NDUFS7: variants seen among roughly 807,000 people sequenced by gnomAD.
The protein encoded by NDUFS7 is NADH dehydrogenase [ubiquinone] iron-sulfur protein 7, mitochondrial.
Under a neutral mutation model 31.1 loss-of-function variants are expected in NDUFS7, and 11 were observed. That is an observed-to-expected ratio of 0.35 (90% CI 0.22 to 0.59). NDUFS7 has a LOEUF of 0.59. Among genes scored for constraint, NDUFS7 ranks in the 20% least tolerant of loss-of-function variants. NDUFS7 has a pLI of 0.79. For missense variants in NDUFS7, 263 were observed against 324.2 expected, an observed-to-expected ratio of 0.81 and a Z score of 1.45; for synonymous variants, 136 against 127.9, an observed-to-expected ratio of 1.06 and a Z score of -0.43.
chr19:1,387,720 T>TGCG, intron 1 of NDUFS7, 91 bp from the exon 2 acceptor site: 1 of 1,183,998 alleles, frequency 8.4e-7, no homozygotes, highest in Non-Finnish European at 1.2e-6. Flanking sequence ...AGCTAGGCTG[T>TGCG]GCGGGCAGGA....
chr19:1,389,096 CAG>C (rs2082531580), intron 4 of NDUFS7, 158 bp downstream of exon 4: 2 of 734,336 alleles, frequency 2.7e-6, no homozygotes, highest in East Asian at 2.7e-5. Context: ...CATGTATGGA[CAG>C]ATGTGTACAC....
chr19:1,393,752 G>A lies in NDUFS7; in HGVS notation c.544+422G>A, dbSNP rs1333243183. On this transcript the variant is annotated intron_variant, in intron 7 of 7. Coordinates refer to ENST00000233627, the MANE Select transcript of NDUFS7 (RefSeq NM_024407.5). This position sits in a 1 kb window ranked among gnomAD's most constrained non-coding sequence, Gnocchi z 7.3. ...GTGGCCGGATTTGGCAAATGAAAAC[G>A]TGGGAGGCTTAGTTTGACTGTGAGG... 3.2e-5 allele frequency: 16 copies of A among 495,496 alleles called. 1 individual carries two copies. In the East Asian group the frequency reaches 4.6e-4, roughly 14 times the overall value. 30.7% of individuals were successfully genotyped at this position (495,496 alleles called of 1,614,324 possible).
At chr19:1,394,624 GGACC>G (rs1177201980) in intron 7 of NDUFS7, 2 of 1,199,630 alleles carry the variant, frequency 1.7e-6, no homozygotes, top group Non-Finnish European at 2.1e-6. Context: ...CCCTCCCAGC[GGACC>G]GCGCTCCTCC....
chr19:1,395,480 C>T lies in NDUFS7; in HGVS notation c.634C>T (p.Arg212Cys), dbSNP rs866056831. 1.9e-5 allele frequency: 30 copies of T among 1,581,970 alleles called. No homozygotes were observed. The highest frequency in any genetic ancestry group is 4.6e-5 in the East Asian group (2 of 43,502). The change falls in exon 8 of 8, where the codon CGC becomes TGC. Residue 212 changes from arginine to cysteine, a missense_variant. Transcript: ENST00000233627. ...GGAGCGGAGGCTGCAGATCTGGTACCGCAGGTAGCGCCGCCGCCGCCGCCG... is the reference window on the plus strand; with the variant it reads ...GGAGCGGAGGCTGCAGATCTGGTACTGCAGGTAGCGCCGCCGCCGCCGCCG... ...KRERRLQIWY[R>C]R
chr19:1,386,477 C>T (rs2082508134), intron 1 of NDUFS7: 1 of 151,512 alleles, frequency 6.6e-6, no homozygotes, highest in African/African-American at 2.4e-5. Flanking sequence ...CCCTCGTGAC[C>T]TCACTGTCCT....
chr19:1,389,030 G>T, intron 4 of NDUFS7, 92 bp downstream of exon 4: 3 of 1,052,304 alleles, frequency 2.9e-6, no homozygotes, highest in South Asian at 1.4e-5. Context: ...GTGCAGACAC[G>T]TACACACACA....
intron 4 of NDUFS7, chr19:1,390,287 C>T (rs2082546023): frequency 6.0e-6 from 1 of 165,488 alleles, no homozygotes; most frequent in African/African-American, 2.4e-5. Context: ...TGGACCTGGC[C>T]ATTTCTGCCC....
At chr19:1,390,636 A>G (rs1203865547) in intron 4 of NDUFS7, 3 of 596,160 alleles carry the variant, frequency 5.0e-6, no homozygotes, top group East Asian at 2.8e-5. Flanking sequence ...GAACTATGTG[A>G]TGAGGACAGA....
chr19:1,394,553 GGGGACCGCGC>G (rs1473119636), intron 7 of NDUFS7: 1 of 1,244,684 alleles, frequency 8.0e-7, no homozygotes, highest in Non-Finnish European at 1.0e-6. Flanking sequence ...CTCCCTCCCT[GGGGACCGCGC>G]TCCTCCCTCC....
At chr19:1,388,198 C>T (rs571801382) in intron 2 of NDUFS7, 39 of 586,246 alleles carry the variant, frequency 6.7e-5, no homozygotes, top group South Asian at 6.0e-4. Context: ...GCGGTGAGGG[C>T]GCATGCCCAG....
In NDUFS7 at chr19:1,395,408, G is replaced by A. The variant is rs925024040; in HGVS notation, c.562G>A (p.Glu188Lys). The change falls in exon 8 of 8, where the codon GAG becomes AAG. Residue 188 changes from glutamate (E) to lysine (K), a missense_variant. Transcript: ENST00000233627. ...IYIPGCPPTA[E>K]ALLYGILQLQ... is the part of the protein sequence containing the mutation. ...CCCTGCAGGCTGCCCACCTACGGCC[G>A]AGGCCCTGCTCTACGGCATCCTGCA... 1.2e-6 allele frequency: 2 copies of A among 1,601,454 alleles called. No homozygotes were observed. The highest frequency in any genetic ancestry group is 1.7e-6 in the Non-Finnish European group (2 of 1,175,900).
chr19:1,390,854 G>A lies in NDUFS7; in HGVS notation c.229-17G>A, dbSNP rs769069939. The A allele has an allele frequency of 8.7e-6, 14 of 1,604,508 alleles. No homozygotes were observed. In the East Asian group the frequency reaches 1.1e-4, roughly 13 times the overall value. ...GGGCTCCGGGGGTGGCGTCTGACCC[G>A]AGCCCGGCCTCCGCAGAGTTCTCTG... On this transcript the variant is annotated splice_polypyrimidine_tract_variant and intron_variant, in intron 4 of 7. Transcript: ENST00000233627.
At chr19:1,392,832 GCCCCGGGTGGA>G (rs1404264958) in intron 6 of NDUFS7, 1 of 295,988 alleles carries the variant, frequency 3.4e-6, no homozygotes, top group Non-Finnish European at 6.6e-6. Flanking sequence ...CCAGCTCCCT[GCCCCGGGTGGA>G]CCCCAGCGCC....
At chr19:1,389,114 ACACGCACACT>A (rs1287114448) in intron 4 of NDUFS7, 176 bp downstream of exon 4, 8 of 715,094 alleles carry the variant, frequency 1.1e-5, no homozygotes, top group East Asian at 5.4e-5. Context: ...TACACGGACC[ACACGCACACT>A]CACGCACACA....
At chr19:1,389,917 T>TG (rs1344731559) in intron 4 of NDUFS7, 2 of 212,192 alleles carry the variant, frequency 9.4e-6, no homozygotes, top group Admixed American at 1.1e-4. Flanking sequence ...CTTTTTTTTT[T>TG]TTTTGAGACG....
intron 4 of NDUFS7, chr19:1,389,316 C>T (rs2082536929): frequency 2.1e-6 from 1 of 480,418 alleles, no homozygotes; most frequent in East Asian, 4.7e-5. Context: ...GTCATGCACA[C>T]ACATGCACAC....
At chr19:1,383,987 G>A (rs1315549229) in intron 1 of NDUFS7, 45 bp downstream of exon 1, 10 of 1,542,380 alleles carry the variant, frequency 6.5e-6, no homozygotes, top group Admixed American at 2.0e-5. Context: ...GCGGGTCTGG[G>A]GCCGTGGGAG....
Position 1,388,906 on chromosome 19 carries a change from A to G in NDUFS7, c.196A>G (p.Lys66Glu). 6.2e-7 allele frequency: 1 copy of G among 1,610,088 alleles called. No individual in the cohort carries two copies. The highest frequency in any genetic ancestry group is 8.5e-7 in the Non-Finnish European group (1 of 1,178,618). ...PSSRGEYVVA[K>E]LDDLVNWARR... ...CAGCCGGGGCGAGTATGTGGTGGCC[A>G]AGCTGGATGACCTCGTCAACTGGGC... Residue 66 changes from lysine to glutamate, a missense_variant, in exon 4 of 8, where the codon AAG becomes GAG. By Grantham distance (56) the Lys-to-Glu change is moderately conservative (BLOSUM62 1). Transcript: ENST00000233627.
intron 7 of NDUFS7, chr19:1,394,831 G>A (rs2082584805): frequency 6.0e-6 from 7 of 1,160,478 alleles, no homozygotes; most frequent in Non-Finnish European, 6.5e-6. Flanking sequence ...GTCCCCGTTG[G>A]GCCCTGGGCT....
Sources: allele counts gnomAD v4.1 joint callset, GRCh38; gene constraint gnomAD v4.1.1; non-coding constraint Gnocchi (gnomAD v3.1); transcripts MANE v1.5; gene names NCBI Gene and HGNC (gene_info 2026-07-23, HGNC 2026-07-21).